The following MICAL3 variants were observed in gnomAD, a reference collection of about 807,000 sequenced individuals.
MICAL3 encodes the protein [F-actin]-monooxygenase MICAL3.
In MICAL3, 62 loss-of-function variants were observed where a neutral mutation model predicts 207.4. The ratio of observed to expected loss-of-function variants is 0.30; its 90% CI spans 0.24 to 0.37. The LOEUF is 0.37. Ranked by LOEUF, MICAL3 falls within the 10% of genes least tolerant of loss-of-function variation. The pLI, the probability that MICAL3 is intolerant of heterozygous loss-of-function variation, is 1.00. For synonymous variants in MICAL3, 1,077 were observed against 1,069.3 expected, an observed-to-expected ratio of 1.01 and a Z score of -0.14; for missense variants, 2,368 against 2,635.6, an observed-to-expected ratio of 0.90 and a Z score of 2.22.
chr22:17,864,573 T>C (rs1926855324), intron 19 of MICAL3: 2 of 1,467,492 alleles, frequency 1.4e-6, no homozygotes, highest in African/African-American at 1.4e-5. Context: ...ACACAGGACC[T>C]GGGCCGCCCT....
At chr22:17,870,344 C>T (rs1469491128) in intron 17 of MICAL3, among the ~76,000 whole-genome samples, 1 of 152,186 alleles carries the variant, frequency 6.6e-6, no homozygotes, top group Non-Finnish European at 1.5e-5. Context: ...TTCCTCCTCC[C>T]CTGTGCTTCT....
At chr22:17,827,260 G>A (rs113416019) in intron 22 of MICAL3, among the ~76,000 whole-genome samples, 70 of 151,700 alleles carry the variant, frequency 4.6e-4, no homozygotes, top group African/African-American at 1.6e-3. Flanking sequence ...TGCCCCTCCC[G>A]CCCCCTTCCT....
intron 1 of MICAL3, among the ~76,000 whole-genome samples, chr22:17,993,049 A>G (rs117878224): frequency 0.013 from 2,017 of 152,224 alleles, 20 homozygotes; most frequent in Middle Eastern, 0.034. Context: ...TGTTTTTCCT[A>G]CCCATGCAAG....
intron 1 of MICAL3, among the ~76,000 whole-genome samples, chr22:17,912,169 C>G (rs996852469): frequency 6.6e-6 from 1 of 152,114 alleles, no homozygotes; most frequent in African/African-American, 2.4e-5. Context: ...TGTTTCTGGG[C>G]CCTCTATTGT....
chr22:17,902,637 T>G lies in MICAL3; in HGVS notation c.583A>C (p.Asn195His), dbSNP rs761704407. Residue 195 changes from asparagine (N) to histidine (H), a missense_variant, in exon 4 of 32, where the codon AAT becomes CAT. Transcript: ENST00000441493. The surrounding 1 kb of genome is among the most constrained non-coding windows in gnomAD (Gnocchi z 4.5). ...GLIQPPEDQE[N>H]ERIGWRALVH... is the part of the protein sequence containing the mutation. Reference sequence around the variant, plus strand: ...CTCCTCCAGTATAACTTACGTTCATTCTCTTGGTCCTCAGGAGGCTGTATA... The same window carrying G: ...CTCCTCCAGTATAACTTACGTTCATGCTCTTGGTCCTCAGGAGGCTGTATA... The G allele has an allele frequency of 6.3e-7, 1 of 1,584,788 alleles. No individual in the cohort carries two copies.
At chr22:18,007,635 T>C (rs1168862542) in intron 1 of MICAL3, among the ~76,000 whole-genome samples, 1 of 152,094 alleles carries the variant, frequency 6.6e-6, no homozygotes, top group Non-Finnish European at 1.5e-5. Context: ...TGATCAGCTA[T>C]CTACCACTGG....
intron 27 of MICAL3, among the ~76,000 whole-genome samples, chr22:17,812,301 C>A (rs1220235627): frequency 6.6e-6 from 1 of 152,234 alleles, no homozygotes; most frequent in Non-Finnish European, 1.5e-5. Context: ...TGACCACATG[C>A]ACTCCAGCCG....
intron 1 of MICAL3, among the ~76,000 whole-genome samples, chr22:18,002,168 A>AGC (rs1923076579): frequency 6.6e-6 from 1 of 152,146 alleles, no homozygotes; most frequent in African/African-American, 2.4e-5. Context: ...ACTGCACTAC[A>AGC]GCCTGGGCAA....
intron 19 of MICAL3, among the ~76,000 whole-genome samples, chr22:17,848,817 C>A (rs1924915237): frequency 1.3e-5 from 2 of 152,250 alleles, no homozygotes. Context: ...TTCTCAGGCA[C>A]CTGGTGCCAT....
intron 19 of MICAL3, chr22:17,860,619 A>T (rs1926418529): frequency 1.0e-6 from 1 of 985,470 alleles, no homozygotes; most frequent in Non-Finnish European, 1.2e-6. Flanking sequence ...AAAAGATAGG[A>T]GTGGGCTCAA....
rs771637941 is a variant in MICAL3, at chr22:17,817,506, G to A, written c.5155C>T (p.Arg1719Trp). The A allele has an allele frequency of 2.0e-5, 32 of 1,613,604 alleles. No homozygotes were observed. The highest frequency in any genetic ancestry group is 6.7e-5 in the East Asian group (3 of 44,876). ...TTGGAGCTGGGCTTCTCCGGGGGCC[G>A]GCCCTCGCCTTTGGACTTCTTCTCC... ...KKEKKSKGEG[R>W]PPEKPSSNLL... is the part of the protein sequence containing the mutation. The change falls in exon 26 of 32, where the codon CGG becomes TGG. Residue 1719 changes from arginine (R) to tryptophan (W), a missense_variant. Transcript: ENST00000441493.
In MICAL3 at chr22:17,896,351, G is replaced by A; in HGVS notation, c.1217C>T (p.Pro406Leu). 1 of 1,542,938 alleles carries A rather than the reference G, an allele frequency of 6.5e-7. No individual in the cohort carries two copies. Among genetic ancestry groups the A allele is most frequent in the Non-Finnish European group, 8.8e-7 (1 of 1,137,924 alleles). ...VGDSLLEPFW[P>L]MGTGIARGFL... ...GCCCCGGGCTATTCCTGTTCCCATTGGCCAGAAAGGCTGTAGATAAGACAT... is the reference window on the plus strand; with the variant it reads ...GCCCCGGGCTATTCCTGTTCCCATTAGCCAGAAAGGCTGTAGATAAGACAT... The change falls in exon 9 of 32, where the codon CCA becomes CTA. Residue 406 changes from proline (P) to leucine (L), a missense_variant. Pro to Leu is a moderately conservative substitution (Grantham distance 98). Coordinates refer to ENST00000441493, the MANE Select transcript of MICAL3 (RefSeq NM_015241.3).
chr22:17,895,428 T>G lies in MICAL3; in HGVS notation c.1323-18A>C, dbSNP rs775313150. 2.5e-6 allele frequency: 4 copies of G among 1,612,776 alleles called. No homozygotes were observed. Among genetic ancestry groups the G allele is most frequent in the Non-Finnish European group, 3.4e-6 (4 of 1,179,356 alleles). On this transcript the variant is annotated intron_variant, in intron 9 of 31. Coordinates refer to ENST00000441493, the MANE Select transcript of MICAL3 (RefSeq NM_015241.3). The stretch of plus-strand genomic sequence containing the variant: ...TACTTTCCCTGCAATAACACAACAA[T>G]ATACTCAGAATCGGGACCAGCACCA...
chr22:17,928,169 G>C (rs1184718161), intron 1 of MICAL3, among the ~76,000 whole-genome samples: 1 of 152,208 alleles, frequency 6.6e-6, no homozygotes, highest in Non-Finnish European at 1.5e-5. Flanking sequence ...GCCGGGCGCG[G>C]TGGCTCATGC....
At chr22:17,950,728 A>T (rs1259150588) in intron 1 of MICAL3, among the ~76,000 whole-genome samples, 1 of 152,184 alleles carries the variant, frequency 6.6e-6, no homozygotes, top group Non-Finnish European at 1.5e-5. Context: ...AGAGAGTCTT[A>T]CTGACTGGCT....
chr22:17,925,013 C>T (rs938713376), intron 1 of MICAL3, among the ~76,000 whole-genome samples: 2 of 152,140 alleles, frequency 1.3e-5, no homozygotes, highest in African/African-American at 4.8e-5. Context: ...CAAATAGCAA[C>T]GGGGGGAAAG....
chr22:17,850,766 A>T lies in MICAL3; in HGVS notation c.2606-8749T>A, dbSNP rs1386851395. ...TACTGTTATGATTACATCATCTCCC[A>T]AGGTGCCTTTTTGGCAAATGGAAAT... On this transcript the variant is annotated intron_variant, in intron 19 of 31. Transcript: ENST00000441493. Among the ~76,000 whole-genome samples the T allele has an allele frequency of 1.3e-5, 2 of 152,110 alleles. 1 individual carries two copies.
In MICAL3 at chr22:17,793,116, G is replaced by A. The variant is rs1464988792; in HGVS notation, c.5651-1815C>T. ...GCTCGCCCACGGCCGCCAGGCAGGG[G>A]CTGTGGTGTGTGAGCGAGAGTCGGG... On this transcript the variant is annotated intron_variant, in intron 29 of 31. Transcript: ENST00000441493. The surrounding 1 kb of genome is among the most constrained non-coding windows in gnomAD (Gnocchi z 4.1). Among the ~76,000 whole-genome samples, 1 of 152,240 alleles carries A rather than the reference G, an allele frequency of 6.6e-6. No homozygotes were observed. Among genetic ancestry groups the A allele is most frequent in the Non-Finnish European group, 1.5e-5 (1 of 68,034 alleles).
chr22:17,875,659 C>A, intron 16 of MICAL3: 1 of 443,294 alleles, frequency 2.3e-6, no homozygotes, highest in Non-Finnish European at 3.9e-6. Context: ...TACTCTAGAC[C>A]TTTATCTAAA....
Sources: gnomAD v4.1 joint callset for allele counts (sites outside exome capture counted in the v4.1 genomes callset) on GRCh38, gnomAD v4.1.1 for gene constraint, Gnocchi (gnomAD v3.1) non-coding constraint, MANE v1.5 for transcripts, NCBI Gene and HGNC (gene_info 2026-07-23, HGNC 2026-07-21) for gene names.